Variants in MAN2A1 observed in about 807,000 individuals in gnomAD.
MAN2A1 encodes alpha-mannosidase 2.
In MAN2A1, 76 loss-of-function variants were observed where a neutral mutation model predicts 142.6. The observed-to-expected ratio is 0.53, with a 90% confidence interval of 0.44 to 0.65. MAN2A1 has a LOEUF of 0.65. Among genes scored for constraint, MAN2A1 ranks in the 30% least tolerant of loss-of-function variants. The pLI, the probability that MAN2A1 is intolerant of heterozygous loss-of-function variation, is 0.00. For missense variants in MAN2A1, 1,311 were observed against 1,365.1 expected, an observed-to-expected ratio of 0.96 and a Z score of 0.62; for synonymous variants, 559 against 473.2, an observed-to-expected ratio of 1.18 and a Z score of -2.35.
At chr5:109,847,124 G>T (rs1396850015) in intron 18 of MAN2A1, among the ~76,000 whole-genome samples, 1 of 152,084 alleles carries the variant, frequency 6.6e-6, no homozygotes, top group Non-Finnish European at 1.5e-5. Flanking sequence ...ACATCTTTGT[G>T]CCGTACATGA....
intron 7 of MAN2A1, among the ~76,000 whole-genome samples, chr5:109,773,660 TTA>T (rs1452324407): frequency 6.6e-6 from 1 of 152,150 alleles, no homozygotes; most frequent in African/African-American, 2.4e-5. Context: ...CACCAAGGTA[TTA>T]TGTTACTGCT....
intron 20 of MAN2A1, among the ~76,000 whole-genome samples, chr5:109,857,985 G>A (rs1311863133): frequency 6.6e-6 from 1 of 152,168 alleles, no homozygotes; most frequent in Non-Finnish European, 1.5e-5. Flanking sequence ...TATTGTGAAA[G>A]CCTTTTGAGA....
intron 12 of MAN2A1, among the ~76,000 whole-genome samples, chr5:109,790,395 A>C (rs1244832588): frequency 2.6e-5 from 4 of 151,928 alleles, no homozygotes; most frequent in Non-Finnish European, 4.4e-5. Flanking sequence ...GCATAGACTA[A>C]AGTCTTAGTT....
At chr5:109,756,247 GA>G (rs1158647668) in intron 5 of MAN2A1, among the ~76,000 whole-genome samples, 2 of 151,932 alleles carry the variant, frequency 1.3e-5, no homozygotes, top group African/African-American at 4.8e-5. Context: ...CAAGAAATGG[GA>G]AAAAAGATGC....
At chr5:109,776,375 G>A (rs1410861477) in intron 8 of MAN2A1, among the ~76,000 whole-genome samples, 1 of 151,872 alleles carries the variant, frequency 6.6e-6, no homozygotes, top group African/African-American at 2.4e-5. Context: ...CGGATCCTAG[G>A]GGTATGTTTA....
rs1580313265 is a variant in MAN2A1, at chr5:109,846,958, G to T, written c.2843-699G>T. 2.6e-5 allele frequency among the ~76,000 whole-genome samples: 4 copies of T among 152,068 alleles called. No homozygotes were observed. The South Asian group carries it at 8.3e-4, about 32-fold the overall frequency. ...AAGAGCATGTTCCCGATGTGCAGTG[G>T]GGCAGCATTGTTGCTGTGTGGTTAG... On this transcript the variant is annotated intron_variant, in intron 18 of 21. Coordinates refer to ENST00000261483, the MANE Select transcript of MAN2A1 (RefSeq NM_002372.4).
At chr5:109,753,065 A>T (rs867875950) in intron 4 of MAN2A1, among the ~76,000 whole-genome samples, 15 of 152,204 alleles carry the variant, frequency 9.9e-5, no homozygotes, top group South Asian at 2.1e-4. Context: ...TTCTCTATTC[A>T]ACATCAGCGA....
chr5:109,808,150 A>G (rs1754220834), intron 12 of MAN2A1, among the ~76,000 whole-genome samples: 1 of 152,158 alleles, frequency 6.6e-6, no homozygotes, highest in Non-Finnish European at 1.5e-5. Context: ...AGTGGCCTGT[A>G]TATCTTGAAA....
At chr5:109,794,434 A>G (rs1310499990) in intron 12 of MAN2A1, among the ~76,000 whole-genome samples, 2 of 152,178 alleles carry the variant, frequency 1.3e-5, no homozygotes, top group African/African-American at 4.8e-5. Flanking sequence ...TAGTTAACAG[A>G]AAAATGAGTG....
chr5:109,795,891 C>A (rs1197408896), intron 12 of MAN2A1, among the ~76,000 whole-genome samples: 2 of 152,176 alleles, frequency 1.3e-5, no homozygotes, highest in African/African-American at 4.8e-5. Flanking sequence ...TCAACTGACA[C>A]TCTTCATTCC....
At chr5:109,775,865 C>G (rs1470330321) in intron 8 of MAN2A1, among the ~76,000 whole-genome samples, 1 of 152,068 alleles carries the variant, frequency 6.6e-6, no homozygotes, top group Non-Finnish European at 1.5e-5. Context: ...AGTCAAAATT[C>G]AAGCAATAAT....
At chr5:109,760,696 T>C (rs1230376511) in intron 5 of MAN2A1, among the ~76,000 whole-genome samples, 3 of 152,218 alleles carry the variant, frequency 2.0e-5, no homozygotes, top group Admixed American at 6.5e-5. Context: ...TGGTATCTCA[T>C]TGTGGTTTTG....
At chr5:109,856,036 C>T (rs1268505460) in intron 20 of MAN2A1, among the ~76,000 whole-genome samples, 1 of 151,952 alleles carries the variant, frequency 6.6e-6, no homozygotes, top group Non-Finnish European at 1.5e-5. Context: ...GAAGAGGATG[C>T]TCATGTTTAA....
chr5:109,864,871 A>T, intron 20 of MAN2A1, 165 bp from the exon 21 acceptor site: 2 of 613,792 alleles, frequency 3.3e-6, no homozygotes, highest in Non-Finnish European at 5.9e-6. Context: ...GAATGGTAGC[A>T]GGTGAATGGG....
At chr5:109,866,460 G>A (rs936601563) in intron 21 of MAN2A1, among the ~76,000 whole-genome samples, 6 of 152,084 alleles carry the variant, frequency 3.9e-5, no homozygotes, top group Non-Finnish European at 5.9e-5. Flanking sequence ...AAGAGAATGA[G>A]GATGTTTTTA....
At chr5:109,739,112 G>A (rs1478149570) in intron 4 of MAN2A1, among the ~76,000 whole-genome samples, 1 of 152,176 alleles carries the variant, frequency 6.6e-6, no homozygotes, top group Non-Finnish European at 1.5e-5. Flanking sequence ...AAAGTGCTGG[G>A]ATTACAGGCA....
At chr5:109,798,666 G>T (rs1753929150) in intron 12 of MAN2A1, among the ~76,000 whole-genome samples, 1 of 151,538 alleles carries the variant, frequency 6.6e-6, no homozygotes, top group Non-Finnish European at 1.5e-5. Context: ...TCTGTGTTTT[G>T]TTTGTTTGTT....
chr5:109,744,656 T>G (rs1752352019), intron 4 of MAN2A1, among the ~76,000 whole-genome samples: 1 of 152,182 alleles, frequency 6.6e-6, no homozygotes, highest in South Asian at 2.1e-4. Context: ...GAAACTCATA[T>G]GTTGCGGGTG....
intron 1 of MAN2A1, among the ~76,000 whole-genome samples, chr5:109,698,889 C>T (rs546957975): frequency 6.6e-6 from 1 of 152,232 alleles, no homozygotes; most frequent in East Asian, 1.9e-4. Context: ...GTCCACTCTT[C>T]TCTGAGTCCC....
Sources: gnomAD v4.1 joint callset for allele counts (sites outside exome capture counted in the v4.1 genomes callset) on GRCh38, gnomAD v4.1.1 for gene constraint, MANE v1.5 for transcripts, NCBI Gene and HGNC (gene_info 2026-07-23, HGNC 2026-07-21) for gene names.